CPNE4: variants seen among roughly 807,000 people sequenced by gnomAD.
The protein encoded by CPNE4 is copine-4.
CPNE4 carries 25 observed loss-of-function variants against 67.9 expected under a neutral mutation model. That is an observed-to-expected ratio of 0.37 (90% CI 0.27 to 0.51). The LOEUF is 0.51. Ranked by LOEUF, CPNE4 falls within the 20% of genes least tolerant of loss-of-function variation. The probability of loss-of-function intolerance (pLI) is 0.93; values close to 1 mark genes in which losing one functional copy is unlikely to be tolerated. For synonymous variants in CPNE4, 242 were observed against 244.9 expected, an observed-to-expected ratio of 0.99 and a Z score of 0.11; for missense variants, 464 against 690.8, an observed-to-expected ratio of 0.67 and a Z score of 3.68.
intron 3 of CPNE4, among the ~76,000 whole-genome samples, chr3:131,718,834 T>C (rs1184985794): frequency 1.3e-5 from 2 of 152,256 alleles, no homozygotes; most frequent in Non-Finnish European, 2.9e-5. Flanking sequence ...TCCAGGGTGC[T>C]TGCTAAACGT....
At chr3:131,551,186 A>T (rs929136628) in intron 13 of CPNE4, among the ~76,000 whole-genome samples, 3 of 152,078 alleles carry the variant, frequency 2.0e-5, no homozygotes, top group Admixed American at 2.0e-4. Context: ...TTAGATGAGC[A>T]AGTTCTGTTC....
At chr3:131,931,360 G>A (rs1361269228) in intron 1 of CPNE4, among the ~76,000 whole-genome samples, 1 of 152,146 alleles carries the variant, frequency 6.6e-6, no homozygotes, top group African/African-American at 2.4e-5. Flanking sequence ...TCAGGAAGGC[G>A]AAGATTAATC....
chr3:132,039,163 T>A (rs1397080672), upstream of CPNE4, among the ~76,000 whole-genome samples: 2 of 152,230 alleles, frequency 1.3e-5, no homozygotes, highest in African/African-American at 2.4e-5. Flanking sequence ...ATAGCACTGA[T>A]CTAGCCATTG....
intron 6 of CPNE4, among the ~76,000 whole-genome samples, chr3:131,683,430 G>A (rs1446013164): frequency 1.3e-5 from 2 of 152,124 alleles, no homozygotes; most frequent in Non-Finnish European, 2.9e-5. Flanking sequence ...TCGGAGCTAC[G>A]GCCTGGAATG....
chr3:131,974,401 C>T (rs2072589664), intron 1 of CPNE4, among the ~76,000 whole-genome samples: 1 of 152,200 alleles, frequency 6.6e-6, no homozygotes, highest in South Asian at 2.1e-4. Flanking sequence ...CACATACACA[C>T]ACCTAATACA....
intron 1 of CPNE4, among the ~76,000 whole-genome samples, chr3:131,923,990 T>C (rs997802958): frequency 1.2e-4 from 18 of 152,120 alleles, no homozygotes; most frequent in Non-Finnish European, 2.2e-4. Flanking sequence ...CTCCTGACTC[T>C]TACGTGGCCC....
intron 1 of CPNE4, among the ~76,000 whole-genome samples, chr3:131,993,852 A>G (rs1190697775): frequency 7.3e-6 from 1 of 136,144 alleles, no homozygotes; most frequent in Admixed American, 8.3e-5. Context: ...AGAAAAAGAC[A>G]TACAAATTAG....
chr3:131,929,842 AT>A (rs561625403), intron 1 of CPNE4, among the ~76,000 whole-genome samples: 161 of 152,272 alleles, frequency 1.1e-3, no homozygotes, highest in Non-Finnish European at 9.0e-4. Context: ...ATGAATCTGC[AT>A]TGGTGGTATT....
intron 2 of CPNE4, among the ~76,000 whole-genome samples, chr3:131,794,735 T>A (rs1027543278): frequency 6.6e-6 from 1 of 152,260 alleles, no homozygotes; most frequent in African/African-American, 2.4e-5. Context: ...AGGTAGATGT[T>A]CTTCCTTATG....
intron 2 of CPNE4, among the ~76,000 whole-genome samples, chr3:131,754,251 A>G (rs1259494657): frequency 6.6e-6 from 1 of 152,158 alleles, no homozygotes; most frequent in Admixed American, 6.6e-5. Flanking sequence ...GTCAATATCT[A>G]TATAAGATTA....
chr3:131,576,030 C>A (rs1937539939), intron 9 of CPNE4, among the ~76,000 whole-genome samples: 1 of 152,128 alleles, frequency 6.6e-6, no homozygotes, highest in Non-Finnish European at 1.5e-5. Context: ...GATTCTAGGA[C>A]TACAGTGATT....
chr3:131,599,845 T>C (rs1939104586), intron 7 of CPNE4, among the ~76,000 whole-genome samples: 2 of 152,212 alleles, frequency 1.3e-5, no homozygotes, highest in East Asian at 1.9e-4. Flanking sequence ...GTCCCCAGGC[T>C]CTGTCTCCAC....
At chr3:131,770,699 C>T (rs1000073266) in intron 2 of CPNE4, among the ~76,000 whole-genome samples, 1 of 152,202 alleles carries the variant, frequency 6.6e-6, no homozygotes, top group African/African-American at 2.4e-5. Context: ...CCTGCAAAGG[C>T]AATTTCTAAA....
At chr3:131,777,665 C>T (rs1446678973) in intron 2 of CPNE4, among the ~76,000 whole-genome samples, 3 of 152,006 alleles carry the variant, frequency 2.0e-5, no homozygotes, top group Admixed American at 6.6e-5. Context: ...ATATATATCC[C>T]AAGACTTTTA....
chr3:131,753,946 T>C (rs2082691368), intron 2 of CPNE4, among the ~76,000 whole-genome samples: 1 of 151,990 alleles, frequency 6.6e-6, no homozygotes, highest in African/African-American at 2.4e-5. Context: ...CCCTTAGAAA[T>C]AAAACCACCA....
intron 2 of CPNE4, among the ~76,000 whole-genome samples, chr3:131,745,389 A>C (rs2107787367): frequency 6.6e-6 from 1 of 152,192 alleles, no homozygotes; most frequent in Middle Eastern, 3.4e-3. Flanking sequence ...TCCTTGTAAA[A>C]GGGTCTTTTG....
intron 9 of CPNE4, among the ~76,000 whole-genome samples, chr3:131,580,480 ACACACACACACG>A (rs1937750494): frequency 6.7e-6 from 1 of 148,294 alleles, no homozygotes; most frequent in African/African-American, 2.6e-5. Context: ...ATGCCTGTAT[ACACACACACACG>A]CACACACACA....
chr3:132,024,973 TC>T (rs1306268352), intron 1 of CPNE4, among the ~76,000 whole-genome samples: 1 of 152,148 alleles, frequency 6.6e-6, no homozygotes, highest in African/African-American at 2.4e-5. Flanking sequence ...ACTAGTAGCA[TC>T]AGTATCACCT....
At chr3:131,980,395 T>C (rs756482164) in intron 1 of CPNE4, among the ~76,000 whole-genome samples, 2 of 152,146 alleles carry the variant, frequency 1.3e-5, no homozygotes, top group Non-Finnish European at 2.9e-5. Flanking sequence ...CATATTTTCT[T>C]ATTCTTTTTT....
Sources: gnomAD v4.1 joint callset for allele counts (sites outside exome capture counted in the v4.1 genomes callset) on GRCh38, gnomAD v4.1.1 for gene constraint, MANE v1.5 for transcripts, NCBI Gene and HGNC (gene_info 2026-07-23, HGNC 2026-07-21) for gene names.